The following MAGI2 variants were observed in gnomAD, a reference collection of about 807,000 sequenced individuals.
The protein encoded by MAGI2 is membrane associated guanylate kinase, WW and PDZ domain containing 2, also known as membrane-associated guanylate kinase, WW and PDZ domain-containing protein 2.
MAGI2 carries 35 observed loss-of-function variants against 133.3 expected under a neutral mutation model. The observed-to-expected ratio is 0.26, with a 90% confidence interval of 0.20 to 0.35. MAGI2 has a LOEUF of 0.35. MAGI2 is among the 10% of genes least tolerant of loss of function. MAGI2 has a pLI of 1.00. For missense variants in MAGI2, 1,636 were observed against 1,863.4 expected (o/e 0.88, Z 2.25); for synonymous variants, 729 against 710.6 (o/e 1.03, Z -0.41).
At chr7:79,384,404 C>T (rs533008808) in intron 1 of MAGI2, among the ~76,000 whole-genome samples, 8 of 151,406 alleles carry the variant, frequency 5.3e-5, no homozygotes, top group Non-Finnish European at 1.0e-4. Context: ...TTTAAATGAA[C>T]TCCTAGGATA....
At chr7:79,401,213 A>G (rs1359029540) in intron 1 of MAGI2, among the ~76,000 whole-genome samples, 1 of 152,214 alleles carries the variant, frequency 6.6e-6, no homozygotes, top group East Asian at 1.9e-4. Context: ...GTGTATAGAT[A>G]CACATGCCAC....
chr7:79,352,541 G>A (rs1173973737), intron 1 of MAGI2, among the ~76,000 whole-genome samples: 1 of 152,210 alleles, frequency 6.6e-6, no homozygotes, highest in Non-Finnish European at 1.5e-5. Flanking sequence ...AGAAGCATGA[G>A]GGGGAAGGTG....
intron 1 of MAGI2, among the ~76,000 whole-genome samples, chr7:79,327,664 G>GTC (rs1172282774): frequency 2.0e-5 from 3 of 151,702 alleles, no homozygotes; most frequent in Non-Finnish European, 2.9e-5. Context: ...TATGGGTAAT[G>GTC]TCTCTCTCTC....
At chr7:78,754,712 A>G (rs1823785039) in intron 2 of MAGI2, among the ~76,000 whole-genome samples, 2 of 152,230 alleles carry the variant, frequency 1.3e-5, no homozygotes, top group Admixed American at 1.3e-4. Context: ...AATTAATTGG[A>G]AAATTAGATT....
At chr7:78,766,041 C>T (rs1201603074) in intron 2 of MAGI2, among the ~76,000 whole-genome samples, 1 of 152,304 alleles carries the variant, frequency 6.6e-6, no homozygotes, top group East Asian at 1.9e-4. Context: ...AGAATCCTCC[C>T]ACACTTGGCC....
At chr7:79,035,854 A>G (rs10249662) in intron 1 of MAGI2, among the ~76,000 whole-genome samples, 21,953 of 152,214 alleles carry the variant, frequency 0.14, 2,672 homozygotes, top group African/African-American at 0.33. Context: ...AATCCTGTAA[A>G]TTGAGAAAGT....
intron 2 of MAGI2, among the ~76,000 whole-genome samples, chr7:78,674,836 A>T (rs1814815388): frequency 6.6e-6 from 1 of 152,144 alleles, no homozygotes; most frequent in Non-Finnish European, 1.5e-5. Flanking sequence ...AGAAATTGAA[A>T]TGGCATGACT....
intron 6 of MAGI2, among the ~76,000 whole-genome samples, chr7:78,459,815 A>C (rs956469155): frequency 6.6e-6 from 1 of 152,256 alleles, no homozygotes; most frequent in Non-Finnish European, 1.5e-5. Context: ...AGATTCTGAA[A>C]AGGTGAGTGT....
At chr7:78,661,985 G>A (rs1813009310) in intron 2 of MAGI2, among the ~76,000 whole-genome samples, 1 of 152,138 alleles carries the variant, frequency 6.6e-6, no homozygotes, top group Non-Finnish European at 1.5e-5. Flanking sequence ...GCTTGGAGTA[G>A]GCTGTGTAGG....
At chr7:78,826,705 T>C (rs1790684827) in intron 2 of MAGI2, among the ~76,000 whole-genome samples, 2 of 152,140 alleles carry the variant, frequency 1.3e-5, no homozygotes, top group African/African-American at 2.4e-5. Flanking sequence ...AAATGTAGAA[T>C]GTGACAAAAC....
chr7:79,304,190 T>TGTGC (rs1171436944), intron 1 of MAGI2, among the ~76,000 whole-genome samples: 1 of 94,168 alleles, frequency 1.1e-5, no homozygotes, highest in Non-Finnish European at 2.0e-5. Flanking sequence ...GATGTGTGTG[T>TGTGC]GTGTGTGTGT....
intron 6 of MAGI2, among the ~76,000 whole-genome samples, chr7:78,477,701 C>T (rs142599959): frequency 7.8e-4 from 118 of 151,982 alleles, no homozygotes; most frequent in African/African-American, 2.7e-3. Flanking sequence ...TTCCACCTGG[C>T]CCCGCCCTTG....
chr7:78,213,690 C>A (rs1025123806), intron 10 of MAGI2, among the ~76,000 whole-genome samples: 6 of 152,186 alleles, frequency 3.9e-5, no homozygotes, highest in Non-Finnish European at 8.8e-5. Context: ...AAGCTGTAAC[C>A]AATCTGAGCT....
chr7:79,257,031 G>C lies in MAGI2; in HGVS notation c.301+195989C>G, dbSNP rs571453909. Among the ~76,000 whole-genome samples, 16 of 152,092 alleles carry C rather than the reference G, an allele frequency of 1.1e-4. No homozygotes were observed. In the South Asian group the frequency reaches 2.3e-3, roughly 22 times the overall value. ...ATTGCTGAAACATGCTAAAAGAGTA[G>C]ATTATAAATCTCACCACAAAAACCA... On this transcript the variant is annotated intron_variant, in intron 1 of 21. Coordinates refer to ENST00000354212, the MANE Select transcript of MAGI2 (RefSeq NM_012301.4).
chr7:78,588,509 C>T (rs17439102), intron 3 of MAGI2, among the ~76,000 whole-genome samples: 49,830 of 152,016 alleles, frequency 0.33, 9,356 homozygotes, highest in Non-Finnish European at 0.42. Context: ...GGCAACCTTC[C>T]GAGAGTGAAG....
At chr7:79,088,076 C>T (rs576691991) in intron 1 of MAGI2, among the ~76,000 whole-genome samples, 1 of 152,218 alleles carries the variant, frequency 6.6e-6, no homozygotes, top group South Asian at 2.1e-4. Flanking sequence ...CTATAAATTA[C>T]TTTGGGCAGT....
chr7:79,303,939 A>G (rs1837570048), intron 1 of MAGI2, among the ~76,000 whole-genome samples: 1 of 152,236 alleles, frequency 6.6e-6, no homozygotes, highest in South Asian at 2.1e-4. Context: ...ATGTATGTAC[A>G]TATATGTATT....
intron 2 of MAGI2, among the ~76,000 whole-genome samples, chr7:78,832,081 T>A (rs1375543270): frequency 2.0e-5 from 3 of 152,096 alleles, no homozygotes; most frequent in African/African-American, 7.2e-5. Context: ...TTCTTTCTCT[T>A]GCTATTTTTT....
intron 2 of MAGI2, among the ~76,000 whole-genome samples, chr7:78,954,393 G>A (rs1164893366): frequency 2.0e-5 from 3 of 151,836 alleles, no homozygotes; most frequent in Non-Finnish European, 2.9e-5. Flanking sequence ...GAAACTACTC[G>A]GAACTCCAAA....
Sources: allele counts gnomAD v4.1 joint callset (sites outside exome capture counted in the v4.1 genomes callset), GRCh38; gene constraint gnomAD v4.1.1; transcripts MANE v1.5; gene names NCBI Gene and HGNC (gene_info 2026-07-23, HGNC 2026-07-21).